The following KCNB2 variants were observed in gnomAD, a reference collection of about 807,000 sequenced individuals.
The protein encoded by KCNB2 is potassium voltage-gated channel subfamily B member 2.
A neutral mutation model predicts 61.5 loss-of-function variants in KCNB2; 15 were observed. That is an observed-to-expected ratio of 0.24 (90% CI 0.16 to 0.38). The LOEUF (loss-of-function observed/expected upper bound fraction) is 0.38. KCNB2 is among the 10% of genes least tolerant of loss of function. The pLI, the probability that KCNB2 is intolerant of heterozygous loss-of-function variation, is 1.00. For missense variants in KCNB2, 828 were observed against 1,125.2 expected (o/e 0.74, Z 3.78); for synonymous variants, 457 against 446.0 (o/e 1.02, Z -0.31).
intron 2 of KCNB2, among the ~76,000 whole-genome samples, chr8:72,685,881 C>T (rs879232299): frequency 2.0e-5 from 3 of 152,056 alleles, no homozygotes; most frequent in Admixed American, 6.5e-5. Context: ...TCCAGCTACT[C>T]GGGAGGCTGA....
intron 2 of KCNB2, among the ~76,000 whole-genome samples, chr8:72,804,283 TC>T (rs1336775048): frequency 6.6e-6 from 1 of 151,638 alleles, no homozygotes; most frequent in African/African-American, 2.4e-5. Context: ...CCTGCCTTCC[TC>T]CCGGTTTTTT....
At chr8:72,599,518 C>A (rs1202547192) in intron 2 of KCNB2, among the ~76,000 whole-genome samples, 1 of 152,140 alleles carries the variant, frequency 6.6e-6, no homozygotes, top group African/African-American at 2.4e-5. Flanking sequence ...CTAGGCAATA[C>A]CATTCAGGAC....
chr8:72,850,404 A>G (rs1466332689), intron 2 of KCNB2, among the ~76,000 whole-genome samples: 1 of 152,032 alleles, frequency 6.6e-6, no homozygotes, highest in African/African-American at 2.4e-5. Context: ...TATTTTTTGT[A>G]GAGATGGGGT....
At position 72,808,081 on chromosome 8, in the gene KCNB2, T is replaced by C. The variant is rs1003651956; in HGVS notation, c.580-127854T>C. Reference sequence around the variant, plus strand: ...GTTATACAAGAACCAAGAATCTTCATGTTGCAATGTTTCTTGGTTTGCCCA... The same window carrying C: ...GTTATACAAGAACCAAGAATCTTCACGTTGCAATGTTTCTTGGTTTGCCCA... On this transcript the variant is annotated intron_variant, in intron 2 of 2. Coordinates refer to ENST00000523207, the MANE Select transcript of KCNB2 (RefSeq NM_004770.3). Among the ~76,000 whole-genome samples, 6 of 152,194 alleles carry C rather than the reference T, an allele frequency of 3.9e-5. No homozygotes were observed. The East Asian group carries it at 7.7e-4, about 20-fold the overall frequency.
Position 72,776,035 on chromosome 8 carries a change from A to C in KCNB2, c.580-159900A>C, listed in dbSNP as rs1808643289. Among the ~76,000 whole-genome samples the C allele has an allele frequency of 1.3e-5, 2 of 152,194 alleles. 1 individual carries two copies. The highest frequency in any genetic ancestry group is 4.2e-4 in the South Asian group (2 of 4,816). On this transcript the variant is annotated intron_variant, in intron 2 of 2. Transcript: ENST00000523207. ...ATCAGTGATAGACTGGATTAAGAAA[A>C]TGTGGCACATATACACCATGGAATA...
In KCNB2 at chr8:72,568,042, A is replaced by G; in HGVS notation, c.308A>G (p.Tyr103Cys). The G allele has an allele frequency of 6.2e-7, 1 of 1,613,958 alleles. No individual in the cohort carries two copies. Among genetic ancestry groups the G allele is most frequent in the South Asian group, 1.1e-5 (1 of 91,058 alleles). The change falls in exon 2 of 3, where the codon TAC (tyrosine) becomes TGC (cysteine). Residue 103 changes from tyrosine (Y) to cysteine (C), a missense_variant. Physicochemically the swap from Tyr to Cys is radical, Grantham distance 194. Around this residue, in one of 4 missense-constraint regions of KCNB2, gnomAD observed 163 missense variants for 314.4 expected, o/e 0.52. Transcript: ENST00000523207. ...PGAFTSILNF[Y>C]RTGKLHMMEE... Reference sequence around the variant, plus strand: ...GCCTTCACTTCCATTTTAAATTTCTACCGGACCGGGAAACTCCATATGATG... The same window carrying G: ...GCCTTCACTTCCATTTTAAATTTCTGCCGGACCGGGAAACTCCATATGATG...
intron 2 of KCNB2, among the ~76,000 whole-genome samples, chr8:72,591,491 G>A (rs1212348533): frequency 6.6e-6 from 1 of 152,094 alleles, no homozygotes; most frequent in African/African-American, 2.4e-5. Context: ...TCTACTATGG[G>A]AGTGAAATTT....
At position 72,859,706 on chromosome 8, in the gene KCNB2, C is replaced by CTTTTTTT. The variant is rs1810264452; in HGVS notation, c.580-76229_580-76228insTTTTTTT. Among the ~76,000 whole-genome samples, 264 of 73,446 alleles carry CTTTTTTT rather than the reference C, an allele frequency of 3.6e-3. 85 individuals carry two copies. Among genetic ancestry groups the CTTTTTTT allele is most frequent in the Middle Eastern group, 0.015 (1 of 66 alleles). The allele number at this position is 73,446 out of a possible 152,430, so 48.2% of individuals were successfully genotyped here. On this transcript the variant is annotated intron_variant, in intron 2 of 2. Coordinates refer to ENST00000523207, the MANE Select transcript of KCNB2 (RefSeq NM_004770.3). ...TGTAGCATGGATCAGTACTTCATTT[C>CTTTTTTT]GTTTTTTTTTTTTTTTTTTTTTTTT...
intron 2 of KCNB2, among the ~76,000 whole-genome samples, chr8:72,633,195 G>A (rs900958358): frequency 2.6e-5 from 4 of 152,128 alleles, no homozygotes; most frequent in African/African-American, 7.2e-5. Flanking sequence ...GAGGGCGGTG[G>A]TCCCTGCTTC....
At chr8:72,803,827 A>G (rs1346632295) in intron 2 of KCNB2, among the ~76,000 whole-genome samples, 1 of 152,170 alleles carries the variant, frequency 6.6e-6, no homozygotes, top group Non-Finnish European at 1.5e-5. Context: ...GGCTGCTGGG[A>G]TAATGGGGTT....
intron 2 of KCNB2, among the ~76,000 whole-genome samples, chr8:72,748,962 G>T (rs1946913): frequency 0.091 from 13,739 of 151,766 alleles, 1,228 homozygotes; most frequent in East Asian, 0.5. Context: ...TATTCCTCCC[G>T]TCTAACTGAA....
intron 1 of KCNB2, among the ~76,000 whole-genome samples, chr8:72,551,943 TA>T (rs1806351158): frequency 6.6e-6 from 1 of 152,066 alleles, no homozygotes; most frequent in African/African-American, 2.4e-5. Flanking sequence ...TTCTAGGTCA[TA>T]AAATGGAACC....
rs562124635 is a variant in KCNB2, at chr8:72,696,612, G to A, written c.579+128299G>A. Among the ~76,000 whole-genome samples the A allele has an allele frequency of 3.3e-5, 5 of 152,206 alleles. No homozygotes were observed. In the South Asian group the frequency reaches 8.3e-4, roughly 25 times the overall value. On this transcript the variant is annotated intron_variant, in intron 2 of 2. Coordinates refer to ENST00000523207, the MANE Select transcript of KCNB2 (RefSeq NM_004770.3). The stretch of plus-strand genomic sequence containing the variant: ...TGGGAAAGGTATAGTGGAAGAACCC[G>A]TGGATGGAGAGAGCAGCCTGAGGTC...
chr8:72,705,696 A>G (rs1807212725), intron 2 of KCNB2, among the ~76,000 whole-genome samples: 2 of 152,228 alleles, frequency 1.3e-5, no homozygotes. Context: ...AATCAAGCCA[A>G]CTAAACCACA....
At chr8:72,786,751 A>G (rs970451123) in intron 2 of KCNB2, among the ~76,000 whole-genome samples, 4 of 152,178 alleles carry the variant, frequency 2.6e-5, no homozygotes, top group African/African-American at 9.7e-5. Context: ...TTTCAAACTG[A>G]TGATGTCTAT....
chr8:72,562,948 G>A (rs1387749700), intron 1 of KCNB2, among the ~76,000 whole-genome samples: 1 of 152,110 alleles, frequency 6.6e-6, no homozygotes, highest in Non-Finnish European at 1.5e-5. Context: ...ATTGCTAGAA[G>A]TAAAATTAAT....
At chr8:72,781,692 G>C (rs1350058074) in intron 2 of KCNB2, among the ~76,000 whole-genome samples, 1 of 152,058 alleles carries the variant, frequency 6.6e-6, no homozygotes, top group African/African-American at 2.4e-5. Flanking sequence ...TTGGCTATAT[G>C]GACTCTTATT....
chr8:72,691,593 T>C (rs190493988), intron 2 of KCNB2, among the ~76,000 whole-genome samples: 310 of 152,310 alleles, frequency 2.0e-3, no homozygotes, highest in Non-Finnish European at 1.9e-3. Flanking sequence ...AGCAACTTAC[T>C]AAAAATTTGA....
chr8:72,567,766 G>A lies in KCNB2; in HGVS notation c.32G>A (p.Arg11Lys). Residue 11 changes from arginine (R) to lysine (K), a missense_variant, in exon 2 of 3, where the codon AGG (arginine) becomes AAG (lysine). Around this residue, in one of 4 missense-constraint regions of KCNB2, gnomAD observed 62 missense variants for 54.8 expected, o/e 1.13. Transcript: ENST00000523207. MAEKAPPGLN[R>K]KTSRSTLSLP... ...GAAAAGGCTCCCCCGGGCTTAAACA[G>A]GAAGACTTCAAGGTCGACACTTTCC... 2 of 1,593,682 alleles carry A rather than the reference G, an allele frequency of 1.3e-6. No individual in the cohort carries two copies. Among genetic ancestry groups the A allele is most frequent in the Admixed American group, 1.8e-5 (1 of 56,426 alleles).
Sources: gnomAD v4.1 joint callset for allele counts (sites outside exome capture counted in the v4.1 genomes callset) on GRCh38, gnomAD v4.1.1 for gene constraint, gnomAD v4.1.1 regional missense constraint, MANE v1.5 for transcripts, NCBI Gene and HGNC (gene_info 2026-07-23, HGNC 2026-07-21) for gene names.